The following EYS variants were observed in gnomAD, a reference collection of about 807,000 sequenced individuals.
EYS encodes the protein protein eyes shut homolog.
In EYS, 250 loss-of-function variants were observed where a neutral mutation model predicts 282.1. The observed-to-expected ratio is 0.89, with a 90% CI of 0.80 to 0.98. EYS has a LOEUF of 0.98. EYS is among the 50% of genes least tolerant of loss of function. The pLI is 0.00. For synonymous variants in EYS, 1,355 were observed against 1,282.9 expected (o/e 1.06, Z -1.20); for missense variants, 4,016 against 3,709.0 (o/e 1.08, Z -2.15).
intron 12 of EYS, among the ~76,000 whole-genome samples, chr6:65,202,454 C>T (rs1765925483): frequency 6.6e-6 from 1 of 152,056 alleles, no homozygotes; most frequent in African/African-American, 2.4e-5. Flanking sequence ...GTGGCCTGGA[C>T]AAGTTCACCC....
Position 65,011,446 on chromosome 6 carries a change from A to G in EYS, c.2138-13743T>C, listed in dbSNP as rs147919423. Among the ~76,000 whole-genome samples, 1,328 of 152,310 alleles carry G rather than the reference A, an allele frequency of 8.7e-3. 8 individuals are homozygous for G. Among genetic ancestry groups the G allele is most frequent in the Non-Finnish European group, 0.012 (805 of 68,022 alleles). ...TCAAATGGAGCCCCAAATGCAGTCC[A>G]TGACTAAGGTCTACCGCAGACCCCT... On this transcript the variant is annotated intron_variant, in intron 13 of 42. Transcript: ENST00000503581.
At chr6:64,919,546 T>G (rs1009431347) in intron 15 of EYS, among the ~76,000 whole-genome samples, 4 of 151,686 alleles carry the variant, frequency 2.6e-5, no homozygotes, top group Non-Finnish European at 5.9e-5. Flanking sequence ...ATTTCATATA[T>G]TTTTTCAAAA....
intron 12 of EYS, among the ~76,000 whole-genome samples, chr6:65,076,991 TA>T (rs1774073746): frequency 6.6e-6 from 1 of 151,902 alleles, no homozygotes; most frequent in South Asian, 2.1e-4. Context: ...TTAGAAGGAA[TA>T]ACAGTAGTAT....
At chr6:65,670,988 C>T (rs914098453) in intron 1 of EYS, among the ~76,000 whole-genome samples, 1 of 151,598 alleles carries the variant, frequency 6.6e-6, no homozygotes, top group East Asian at 2.0e-4. Context: ...AGAAATATGT[C>T]TTTTCAAATG....
intron 26 of EYS, among the ~76,000 whole-genome samples, chr6:64,448,576 C>G (rs2095661): frequency 0.28 from 41,987 of 151,946 alleles, 5,885 homozygotes; most frequent in East Asian, 0.46. Context: ...GGTCCCTGAC[C>G]CCCAAGTAGC....
chr6:64,922,419 A>T (rs73767180), intron 15 of EYS, among the ~76,000 whole-genome samples: 1,631 of 152,358 alleles, frequency 0.011, 25 homozygotes, highest in African/African-American at 0.038. Flanking sequence ...AAATGTAAAA[A>T]TAAATGAGTA....
At chr6:64,389,123 G>T (rs185145888) in intron 28 of EYS, among the ~76,000 whole-genome samples, 1 of 152,034 alleles carries the variant, frequency 6.6e-6, no homozygotes, top group African/African-American at 2.4e-5. Flanking sequence ...AAACAATGAT[G>T]GATTATAATA....
Position 64,419,927 on chromosome 6 carries a change from C to T in EYS, c.5927+16247G>A, listed in dbSNP as rs1422294701. Among the ~76,000 whole-genome samples the T allele has an allele frequency of 2.6e-5, 4 of 152,320 alleles. No homozygotes were observed. The South Asian group carries it at 6.2e-4, about 24-fold the overall frequency. On this transcript the variant is annotated intron_variant, in intron 28 of 42. Coordinates refer to ENST00000503581, the MANE Select transcript of EYS (RefSeq NM_001142800.2). Reference sequence around the variant, plus strand: ...TTCTCACAGCTCCACTAGACAGTGCCCAAGTGGGGATTCTGTGCGGGGTCT... The same window carrying T: ...TTCTCACAGCTCCACTAGACAGTGCTCAAGTGGGGATTCTGTGCGGGGTCT...
At chr6:64,703,388 C>CACAG (rs1770857579) in intron 22 of EYS, among the ~76,000 whole-genome samples, 1 of 26,332 alleles carries the variant, frequency 3.8e-5, no homozygotes, top group Admixed American at 4.7e-4. Flanking sequence ...CACAGACACA[C>CACAG]ACACACACAC....
intron 39 of EYS, chr6:63,787,314 T>C (rs903322710): frequency 2.0e-5 from 3 of 152,382 alleles, no homozygotes; most frequent in Admixed American, 6.5e-5. Flanking sequence ...CTGGCCTCTG[T>C]GGGCTACCCC....
intron 12 of EYS, among the ~76,000 whole-genome samples, chr6:65,226,525 C>A (rs1766630429): frequency 6.6e-6 from 1 of 152,012 alleles, no homozygotes; most frequent in African/African-American, 2.4e-5. Flanking sequence ...AAAATATACC[C>A]AATATCAATT....
intron 31 of EYS, among the ~76,000 whole-genome samples, chr6:64,119,408 A>G (rs1773498692): frequency 6.6e-6 from 1 of 152,192 alleles, no homozygotes; most frequent in Non-Finnish European, 1.5e-5. Flanking sequence ...CATAAGTATA[A>G]TCACTAAAAG....
chr6:65,669,502 G>A (rs1042433567), intron 1 of EYS, among the ~76,000 whole-genome samples: 2 of 152,020 alleles, frequency 1.3e-5, no homozygotes, highest in African/African-American at 4.8e-5. Context: ...AATACCAATT[G>A]CCAGAGAATG....
intron 12 of EYS, among the ~76,000 whole-genome samples, chr6:65,165,615 CA>C (rs1764954573): frequency 1.3e-5 from 2 of 150,518 alleles, no homozygotes; most frequent in Admixed American, 1.3e-4. Context: ...ATTTTATTTC[CA>C]AGACCTACCA....
intron 15 of EYS, among the ~76,000 whole-genome samples, chr6:64,920,731 T>C (rs536546797): frequency 6.6e-6 from 1 of 152,284 alleles, no homozygotes; most frequent in Non-Finnish European, 1.5e-5. Flanking sequence ...CAGTTTAAAA[T>C]GTATAAAGAT....
At chr6:63,900,860 A>T (rs1773641005) in intron 35 of EYS, among the ~76,000 whole-genome samples, 1 of 152,226 alleles carries the variant, frequency 6.6e-6, no homozygotes, top group Non-Finnish European at 1.5e-5. Context: ...GAGGAGACAG[A>T]CGTCATAAAT....
chr6:64,421,354 C>A (rs887157500), intron 28 of EYS, among the ~76,000 whole-genome samples: 1 of 152,240 alleles, frequency 6.6e-6, no homozygotes, highest in African/African-American at 2.4e-5. Context: ...GGCTCCCTCC[C>A]ATGAACGTGG....
intron 12 of EYS, among the ~76,000 whole-genome samples, chr6:65,126,966 C>T (rs1775736812): frequency 6.6e-6 from 1 of 152,198 alleles, no homozygotes; most frequent in South Asian, 2.1e-4. Context: ...TGATCCATCA[C>T]TCTGGAGAAC....
chr6:65,412,145 T>C (rs535942184), intron 5 of EYS, among the ~76,000 whole-genome samples: 15 of 152,160 alleles, frequency 9.9e-5, no homozygotes, highest in Non-Finnish European at 2.1e-4. Context: ...AGACAGCCAT[T>C]GACAAACCAT....
Sources: allele counts gnomAD v4.1 joint callset (sites outside exome capture counted in the v4.1 genomes callset), GRCh38; gene constraint gnomAD v4.1.1; transcripts MANE v1.5; gene names NCBI Gene and HGNC (gene_info 2026-07-23, HGNC 2026-07-21).